UNC13B: variants seen among roughly 807,000 people sequenced by gnomAD.
The protein encoded by UNC13B is unc-13 homolog B.
Under a neutral mutation model 211.0 loss-of-function variants are expected in UNC13B, and 144 were observed. That is an observed-to-expected ratio of 0.68 (90% CI 0.60 to 0.78). UNC13B has a LOEUF of 0.78. UNC13B is among the 30% of genes least tolerant of loss of function. UNC13B has a pLI of 0.00. For synonymous variants in UNC13B, 709 were observed against 725.8 expected (o/e 0.98, Z 0.37); for missense variants, 1,777 against 2,002.0 (o/e 0.89, Z 2.14).
At chr9:35,282,773 C>T (rs1050309995) in intron 7 of UNC13B, among the ~76,000 whole-genome samples, 1 of 152,098 alleles carries the variant, frequency 6.6e-6, no homozygotes, top group Non-Finnish European at 1.5e-5. Flanking sequence ...GGTTCCCCCT[C>T]CGTCTCTTGC....
intron 1 of UNC13B, among the ~76,000 whole-genome samples, chr9:35,213,367 C>T (rs1044432994): frequency 2.6e-5 from 4 of 152,168 alleles, no homozygotes; most frequent in Non-Finnish European, 5.9e-5. Context: ...GCGCAGCCAT[C>T]TGCAAGCCAG....
At chr9:35,251,025 C>T (rs1461518677) in intron 6 of UNC13B, among the ~76,000 whole-genome samples, 36 of 137,172 alleles carry the variant, frequency 2.6e-4, no homozygotes, top group Non-Finnish European at 1.7e-4. Flanking sequence ...TGCAGTGGCG[C>T]GATCTCTGCT....
At chr9:35,233,358 C>G (rs777063388) in intron 3 of UNC13B, among the ~76,000 whole-genome samples, 1 of 152,026 alleles carries the variant, frequency 6.6e-6, no homozygotes, top group Admixed American at 6.6e-5. Context: ...CCCTTTTGAC[C>G]CTGCTGTGAT....
chr9:35,290,978 A>G, intron 7 of UNC13B: 2 of 1,328,560 alleles, frequency 1.5e-6, no homozygotes, highest in East Asian at 2.5e-5. Context: ...GGTAAGGCAC[A>G]TAATAATTGC....
At chr9:35,187,182 T>C (rs959172528) in intron 1 of UNC13B, among the ~76,000 whole-genome samples, 1 of 152,228 alleles carries the variant, frequency 6.6e-6, no homozygotes, top group Non-Finnish European at 1.5e-5. Flanking sequence ...AAAATTTTAC[T>C]TGCCAAGATA....
At chr9:35,190,088 G>A (rs778081568) in intron 1 of UNC13B, among the ~76,000 whole-genome samples, 9 of 152,196 alleles carry the variant, frequency 5.9e-5, no homozygotes, top group Non-Finnish European at 1.3e-4. Context: ...AGAAAGATCC[G>A]CAAAATTAAC....
chr9:35,214,823 AT>A (rs1824168876), intron 1 of UNC13B, among the ~76,000 whole-genome samples: 1 of 152,206 alleles, frequency 6.6e-6, no homozygotes, highest in African/African-American at 2.4e-5. Context: ...ACTATCTAGA[AT>A]TTTTTTACTA....
At chr9:35,389,022 C>T (rs1235277106) in intron 24 of UNC13B, among the ~76,000 whole-genome samples, 1 of 152,160 alleles carries the variant, frequency 6.6e-6, no homozygotes. Flanking sequence ...ATAATGCAGG[C>T]TTATTAAGGA....
chr9:35,334,486 G>T (rs1463571315), intron 11 of UNC13B, among the ~76,000 whole-genome samples: 1 of 152,260 alleles, frequency 6.6e-6, no homozygotes, highest in Non-Finnish European at 1.5e-5. Flanking sequence ...ATTAAGAGTA[G>T]ACATTCACCT....
At chr9:35,319,569 TC>T (rs1830636767) in intron 11 of UNC13B, among the ~76,000 whole-genome samples, 1 of 152,134 alleles carries the variant, frequency 6.6e-6, no homozygotes, top group Non-Finnish European at 1.5e-5. Context: ...GCCATCTTCC[TC>T]CTTCCTCCCT....
rs1829886254 is a variant in UNC13B at position 35,305,589 on chromosome 9, G to A, written c.6185G>A (p.Arg2062Lys). ...GACAGTAGGTTAGAGGAATCAACTA[G>A]AGGGATCCAGGGTAATGATTTGACT... The part of the protein sequence containing the change: ...IDDSRLEEST[R>K]GIQGNDLTEK... Residue 2062 changes from arginine to lysine, a missense_variant, in exon 9 of 40, where the codon AGA becomes AAA. Arg to Lys is a conservative substitution (Grantham distance 26, BLOSUM62 2). Transcript: ENST00000635942. 2.5e-6 allele frequency: 1 copy of A among 398,836 alleles called. No homozygotes were observed. Among genetic ancestry groups the A allele is most frequent in the African/African-American group, 2.1e-5 (1 of 48,622 alleles). 24.7% of individuals were successfully genotyped at this position (398,836 alleles called of 1,614,324 possible).
At position 35,386,348 on chromosome 9, in the gene UNC13B, G is replaced by A. The variant is rs1835189713; in HGVS notation, c.11094+55G>A. 3.1e-6 allele frequency: 5 copies of A among 1,608,482 alleles called. No individual in the cohort carries two copies. In the South Asian group the frequency reaches 4.4e-5, roughly 14 times the overall value. On this transcript the variant is annotated intron_variant, in intron 24 of 39. Coordinates refer to ENST00000635942, the MANE Select transcript of UNC13B (RefSeq NM_001371189.2). ...CTGTCAGTGGCTCTTTGGAGCCTCAGTTTTCCTTCATGATGGTGGTGGAAA... is the reference window on the plus strand; with the variant it reads ...CTGTCAGTGGCTCTTTGGAGCCTCAATTTTCCTTCATGATGGTGGTGGAAA...
chr9:35,374,574 T>C (rs1834273073), intron 13 of UNC13B, among the ~76,000 whole-genome samples: 1 of 152,222 alleles, frequency 6.6e-6, no homozygotes, highest in South Asian at 2.1e-4. Flanking sequence ...TCTGTCCTGC[T>C]TGATTTGACT....
chr9:35,305,104 G>C lies in UNC13B; in HGVS notation c.5700G>C (p.Glu1900Asp), dbSNP rs2131839624. 1 of 398,880 alleles carries C rather than the reference G, an allele frequency of 2.5e-6. No homozygotes were observed. Among genetic ancestry groups the C allele is most frequent in the South Asian group, 1.3e-4 (1 of 7,850 alleles). 24.7% of individuals were successfully genotyped at this position (398,880 alleles called of 1,614,324 possible). Residue 1900 changes from glutamate (E) to aspartate (D), a missense_variant, in exon 9 of 40, where the codon GAG becomes GAC. Transcript: ENST00000635942. ...GTGGGGATGAGCGTGAGAATTATGA[G>C]CTTCCCCAGGGCCAGTCATCCAAAG... is the stretch of plus-strand genomic sequence containing the variant. ...QHSGDERENY[E>D]LPQGQSSKES...
chr9:35,344,597 G>A (rs1036271143), intron 11 of UNC13B, among the ~76,000 whole-genome samples: 14 of 152,054 alleles, frequency 9.2e-5, no homozygotes, highest in African/African-American at 2.9e-4. Flanking sequence ...GTTCACACCC[G>A]CTGCGGATCT....
chr9:35,180,040 G>A (rs1281142168), intron 1 of UNC13B, among the ~76,000 whole-genome samples: 1 of 152,166 alleles, frequency 6.6e-6, no homozygotes, highest in Non-Finnish European at 1.5e-5. Flanking sequence ...ATCTGATTGT[G>A]TATTAATGTA....
In UNC13B at chr9:35,390,625, C is replaced by T; in HGVS notation, c.11223-4C>T. 1 of 1,613,824 alleles carries T rather than the reference C, an allele frequency of 6.2e-7. No individual in the cohort carries two copies. Among genetic ancestry groups the T allele is most frequent in the Non-Finnish European group, 8.5e-7 (1 of 1,179,956 alleles). On this transcript the variant is annotated splice_region_variant and splice_polypyrimidine_tract_variant and intron_variant, in intron 25 of 39. Transcript: ENST00000635942. ...CTCTGACTGTGGTTTCTTCTGTCAT[C>T]CAGGTTTCCTCAGGAGTTGAATGTG...
intron 6 of UNC13B, among the ~76,000 whole-genome samples, chr9:35,246,060 GT>G (rs1232639296): frequency 6.6e-6 from 1 of 152,170 alleles, no homozygotes; most frequent in African/African-American, 2.4e-5. Context: ...GTGTGAGATG[GT>G]ATGTCATTGT....
At position 35,380,577 on chromosome 9, in the gene UNC13B, T is replaced by G; in HGVS notation, c.10313T>G (p.Leu3438Arg). Residue 3438 changes from leucine to arginine, a missense_variant, in exon 18 of 40, where the codon CTT becomes CGT. Physicochemically the swap from Leu to Arg is moderately radical, Grantham distance 102. Coordinates refer to ENST00000635942, the MANE Select transcript of UNC13B (RefSeq NM_001371189.2). ...CTAAAGCGAGAGTCTGATGATTTCC[T>G]TGGCCAAACCATCATTGAGGTTCGG... ...QRLKRESDDFLGQTIIEVRTL... is the reference protein window; with the variant it reads ...QRLKRESDDFRGQTIIEVRTL... The G allele has an allele frequency of 6.2e-7, 1 of 1,614,238 alleles. No individual in the cohort carries two copies. The highest frequency in any genetic ancestry group is 8.5e-7 in the Non-Finnish European group (1 of 1,180,028).
Sources: gnomAD v4.1 joint callset for allele counts (sites outside exome capture counted in the v4.1 genomes callset) on GRCh38, gnomAD v4.1.1 for gene constraint, MANE v1.5 for transcripts, NCBI Gene and HGNC (gene_info 2026-07-23, HGNC 2026-07-21) for gene names.